The following RAB10 variants were observed in gnomAD, a reference collection of about 807,000 sequenced individuals.
The protein encoded by RAB10 is RAB10, member RAS oncogene family.
Under a neutral mutation model 25.7 loss-of-function variants are expected in RAB10, and 5 were observed. The observed-to-expected ratio is 0.19, with a 90% confidence interval of 0.10 to 0.41. RAB10 has a LOEUF of 0.41. Among genes scored for constraint, RAB10 ranks in the 10% least tolerant of loss-of-function variants. RAB10 has a pLI of 1.00. For synonymous variants in RAB10, 89 were observed against 86.4 expected (o/e 1.03, Z -0.16); for missense variants, 103 against 245.8 (o/e 0.42, Z 3.89).
chr2:26,088,621 C>T (rs1480092155), intron 1 of RAB10, among the ~76,000 whole-genome samples: 2 of 151,994 alleles, frequency 1.3e-5, no homozygotes, highest in African/African-American at 2.4e-5. Context: ...TGTCCCCCCA[C>T]CAAGTTGGAG....
chr2:26,123,030 C>A lies in RAB10; in HGVS notation c.328-4114C>A, dbSNP rs535152234. Among the ~76,000 whole-genome samples, 16 of 152,180 alleles carry A rather than the reference C, an allele frequency of 1.1e-4. No homozygotes were observed. In the East Asian group the frequency reaches 3.1e-3, roughly 29 times the overall value. On this transcript the variant is annotated intron_variant, in intron 3 of 5. Coordinates refer to ENST00000264710, the MANE Select transcript of RAB10 (RefSeq NM_016131.5). ...TTGGGTTTATGATCAGGACTGACTG[C>A]CCTTACGTATAAAGTTGCTAACCCC...
intron 1 of RAB10, among the ~76,000 whole-genome samples, chr2:26,085,611 C>T (rs965418228): frequency 6.6e-6 from 1 of 151,890 alleles, no homozygotes; most frequent in African/African-American, 2.4e-5. Flanking sequence ...AACTTTCACT[C>T]CAGCTCTAAA....
intron 3 of RAB10, among the ~76,000 whole-genome samples, chr2:26,112,059 C>T (rs372571666): frequency 1.2e-4 from 18 of 152,108 alleles, no homozygotes; most frequent in African/African-American, 4.1e-4. Flanking sequence ...CAGGAACAGC[C>T]AAATGGAAGA....
intron 1 of RAB10, among the ~76,000 whole-genome samples, chr2:26,079,179 T>TC (rs1666806016): frequency 6.6e-6 from 1 of 152,078 alleles, no homozygotes; most frequent in East Asian, 1.9e-4. Context: ...AGAGCAAGAC[T>TC]CCATCTCAAA....
At chr2:26,036,259 A>AAGG (rs1198189985) in intron 1 of RAB10, among the ~76,000 whole-genome samples, 5 of 152,202 alleles carry the variant, frequency 3.3e-5, no homozygotes, top group Non-Finnish European at 5.9e-5. Context: ...CATTCCGGTG[A>AAGG]GATAATCATA....
chr2:26,053,931 G>A (rs1666190723), intron 1 of RAB10, among the ~76,000 whole-genome samples: 1 of 151,192 alleles, frequency 6.6e-6, no homozygotes, highest in African/African-American at 2.4e-5. Context: ...TGTTGGCCAG[G>A]CTGGTCTAGA....
rs1667052658 is a variant in RAB10, at chr2:26,089,215, AG to A, written c.128-9445del. On this transcript the variant is annotated intron_variant, in intron 1 of 5. Coordinates refer to ENST00000264710, the MANE Select transcript of RAB10 (RefSeq NM_016131.5). ...CAAGGTGGGTGGATCACTTGAGGTC[AG>A]GAGTTCAAGACCAGCCTGGCCAAAA... 2.0e-5 allele frequency among the ~76,000 whole-genome samples: 3 copies of A among 151,872 alleles called. No homozygotes were observed. In the South Asian group the frequency reaches 6.3e-4, roughly 32 times the overall value.
chr2:26,060,722 A>C (rs1666376386), intron 1 of RAB10, among the ~76,000 whole-genome samples: 1 of 152,228 alleles, frequency 6.6e-6, no homozygotes, highest in South Asian at 2.1e-4. Context: ...CAGAATTGCT[A>C]ATCCAGGTCT....
chr2:26,091,319 G>T (rs544251068), intron 1 of RAB10, among the ~76,000 whole-genome samples: 80 of 152,244 alleles, frequency 5.3e-4, no homozygotes, highest in Middle Eastern at 3.4e-3. Flanking sequence ...GACAATGGGT[G>T]GGAAACATAG....
chr2:26,112,806 C>G (rs576474733), intron 3 of RAB10, among the ~76,000 whole-genome samples: 1 of 152,160 alleles, frequency 6.6e-6, no homozygotes, highest in South Asian at 2.1e-4. Flanking sequence ...CTTGGCCAGG[C>G]GCAGTGGCTC....
At chr2:26,044,271 C>G (rs1192795850) in intron 1 of RAB10, among the ~76,000 whole-genome samples, 1 of 152,234 alleles carries the variant, frequency 6.6e-6, no homozygotes, top group African/African-American at 2.4e-5. Flanking sequence ...GACGGCCCCT[C>G]CTGTTCCAGG....
intron 1 of RAB10, among the ~76,000 whole-genome samples, chr2:26,062,765 T>C (rs1335015981): frequency 6.6e-6 from 1 of 152,144 alleles, no homozygotes; most frequent in Non-Finnish European, 1.5e-5. Flanking sequence ...TAAAGAACTT[T>C]AACCTTCTAA....
At chr2:26,124,218 T>C (rs1667860197) in intron 3 of RAB10, among the ~76,000 whole-genome samples, 1 of 151,974 alleles carries the variant, frequency 6.6e-6, no homozygotes, top group South Asian at 2.1e-4. Context: ...GGAGTAAAAG[T>C]TATACATGGT....
intron 5 of RAB10, among the ~76,000 whole-genome samples, chr2:26,131,830 C>T (rs1018464358): frequency 6.6e-6 from 1 of 152,134 alleles, no homozygotes; most frequent in Non-Finnish European, 1.5e-5. Flanking sequence ...TTACTATAAG[C>T]AAAATAATTT....
intron 3 of RAB10, among the ~76,000 whole-genome samples, chr2:26,123,943 G>C (rs1483241814): frequency 6.6e-6 from 1 of 152,132 alleles, no homozygotes; most frequent in Non-Finnish European, 1.5e-5. Context: ...TGCCTTCCCT[G>C]AGACAGCAAG....
intron 5 of RAB10, among the ~76,000 whole-genome samples, chr2:26,128,386 G>T (rs1038448682): frequency 6.6e-6 from 1 of 152,186 alleles, no homozygotes; most frequent in African/African-American, 2.4e-5. Context: ...AGAGTCCACA[G>T]CCCCGGGGTT....
chr2:26,127,228 G>T lies in RAB10; in HGVS notation c.412G>T (p.Glu138Ter). ...DKRVVPKGKGEQIAREHGIRF... is the reference protein window; with the variant it reads ...DKRVVPKGKG ...AAGAGTTGTACCTAAAGGAAAAGGA[G>T]AACAGGTAAAAATCTGAATTAAACT... The change falls in exon 4 of 6, where the codon GAA becomes TAA. Residue 138 changes from glutamate to a stop codon, truncating the protein, a stop_gained. Transcript: ENST00000264710. LOFTEE classifies it high-confidence loss of function. The T allele has an allele frequency of 6.3e-7, 1 of 1,587,124 alleles. No individual in the cohort carries two copies. Among genetic ancestry groups the T allele is most frequent in the South Asian group, 1.1e-5 (1 of 87,054 alleles).
intron 2 of RAB10, among the ~76,000 whole-genome samples, chr2:26,104,765 T>G (rs892182120): frequency 2.7e-5 from 4 of 145,556 alleles, no homozygotes; most frequent in East Asian, 2.0e-4. Context: ...TGAGATGGAG[T>G]CTTGCTCTGT....
chr2:26,090,861 G>A (rs1667091298), intron 1 of RAB10, among the ~76,000 whole-genome samples: 1 of 151,826 alleles, frequency 6.6e-6, no homozygotes, highest in Non-Finnish European at 1.5e-5. Context: ...TTGAACCTGA[G>A]AGGTGGAGGT....
Sources: allele counts gnomAD v4.1 joint callset (sites outside exome capture counted in the v4.1 genomes callset), GRCh38; gene constraint gnomAD v4.1.1; transcripts MANE v1.5; gene names NCBI Gene and HGNC (gene_info 2026-07-23, HGNC 2026-07-21).